Variants in RAPGEF6 observed in about 807,000 individuals in gnomAD.
RAPGEF6 encodes the protein PDZ domain containing guanine nucleotide exchange factor (GEF) 2.
RAPGEF6 carries 56 observed loss-of-function variants against 171.4 expected under a neutral mutation model. That is an observed-to-expected ratio of 0.33 (90% CI 0.26 to 0.41). The LOEUF is 0.41. Ranked by LOEUF, RAPGEF6 falls within the 10% of genes least tolerant of loss-of-function variation. The pLI, the probability that RAPGEF6 is intolerant of heterozygous loss-of-function variation, is 1.00. For missense variants in RAPGEF6, 1,674 were observed against 1,921.4 expected (o/e 0.87, Z 2.41); for synonymous variants, 692 against 650.1 (o/e 1.06, Z -0.98).
intron 1 of RAPGEF6, among the ~76,000 whole-genome samples, chr5:131,631,552 A>T (rs965408586): frequency 1.3e-5 from 2 of 152,302 alleles, no homozygotes; most frequent in Admixed American, 1.3e-4. Flanking sequence ...AGTCAGAGTG[A>T]CCATCATCTC....
intron 1 of RAPGEF6, among the ~76,000 whole-genome samples, chr5:131,615,203 T>C (rs1210038199): frequency 6.6e-6 from 1 of 152,244 alleles, no homozygotes; most frequent in Non-Finnish European, 1.5e-5. Flanking sequence ...TAGTAAATCC[T>C]AGTCCCTTTC....
chr5:131,564,990 G>A (rs190824966), intron 4 of RAPGEF6, among the ~76,000 whole-genome samples: 8 of 152,034 alleles, frequency 5.3e-5, no homozygotes, highest in Admixed American at 1.3e-4. Context: ...TTATCAGTAC[G>A]TAGACTGAAA....
At chr5:131,567,005 A>G (rs1761987921) in intron 4 of RAPGEF6, among the ~76,000 whole-genome samples, 1 of 151,610 alleles carries the variant, frequency 6.6e-6, no homozygotes, top group African/African-American at 2.4e-5. Context: ...GAGGCAGGAG[A>G]ATCACTTGAA....
chr5:131,589,852 C>T (rs939481121), intron 4 of RAPGEF6, among the ~76,000 whole-genome samples: 1 of 152,194 alleles, frequency 6.6e-6, no homozygotes, highest in African/African-American at 2.4e-5. Context: ...TCAGCAGTTC[C>T]CTTCCCCTTC....
chr5:131,575,453 C>T (rs543926904), intron 4 of RAPGEF6, among the ~76,000 whole-genome samples: 2 of 152,296 alleles, frequency 1.3e-5, no homozygotes, highest in East Asian at 3.9e-4. Context: ...CATCCGTTAC[C>T]GATCTTGGCA....
At chr5:131,580,474 G>A (rs926016784) in intron 4 of RAPGEF6, among the ~76,000 whole-genome samples, 1 of 152,110 alleles carries the variant, frequency 6.6e-6, no homozygotes, top group African/African-American at 2.4e-5. Flanking sequence ...GCCCTGAGAG[G>A]GGCTCCCACA....
chr5:131,516,680 T>C (rs912942324), intron 7 of RAPGEF6, among the ~76,000 whole-genome samples: 9 of 152,182 alleles, frequency 5.9e-5, no homozygotes, highest in African/African-American at 2.2e-4. Flanking sequence ...CTGAAATAAA[T>C]AGAAAAAGGA....
Position 131,566,836 on chromosome 5 carries a change from C to T in RAPGEF6, c.282-4789G>A, listed in dbSNP as rs1276314250. On this transcript the variant is annotated intron_variant, in intron 4 of 27. Transcript: ENST00000509018. ...ATAAATTTCCTTTGTAGGCCGGGCGCGGTGGCTGACACCTATAATCCCAGC... is the reference window on the plus strand; with the variant it reads ...ATAAATTTCCTTTGTAGGCCGGGCGTGGTGGCTGACACCTATAATCCCAGC... Among the ~76,000 whole-genome samples the T allele has an allele frequency of 4.0e-5, 6 of 151,604 alleles. No homozygotes were observed. The East Asian group carries it at 9.7e-4, about 25-fold the overall frequency.
At chr5:131,431,596 T>C (rs910897586) in intron 25 of RAPGEF6, among the ~76,000 whole-genome samples, 6 of 152,154 alleles carry the variant, frequency 3.9e-5, no homozygotes, top group African/African-American at 1.4e-4. Flanking sequence ...ATTTTTCTTT[T>C]TAAATTTTAA....
At chr5:131,488,942 C>A (rs1334614760) in intron 15 of RAPGEF6, among the ~76,000 whole-genome samples, 2 of 152,108 alleles carry the variant, frequency 1.3e-5, no homozygotes, top group African/African-American at 2.4e-5. Context: ...TTTAAAAAAA[C>A]ACACAGTAGA....
At chr5:131,573,755 C>G (rs1391205345) in intron 4 of RAPGEF6, among the ~76,000 whole-genome samples, 1 of 152,082 alleles carries the variant, frequency 6.6e-6, no homozygotes, top group Non-Finnish European at 1.5e-5. Flanking sequence ...GGAAACTACC[C>G]ACGGTAAAGA....
chr5:131,538,123 T>G (rs1393730971), intron 6 of RAPGEF6, among the ~76,000 whole-genome samples: 2 of 151,854 alleles, frequency 1.3e-5, no homozygotes, highest in Admixed American at 6.6e-5. Context: ...AAAAAACCAC[T>G]ACAACAATAA....
intron 13 of RAPGEF6, among the ~76,000 whole-genome samples, 177 bp downstream of exon 13, chr5:131,495,373 ATGT>A (rs1055180485): frequency 6.6e-6 from 1 of 151,920 alleles, no homozygotes; most frequent in Non-Finnish European, 1.5e-5. Context: ...AGGAGTGTAA[ATGT>A]TGTTTTAATT....
At chr5:131,445,491 C>CTGTGTGTGTGTGTGTGTGTGTG (rs1447178128) in intron 22 of RAPGEF6, among the ~76,000 whole-genome samples, 2 of 80,830 alleles carry the variant, frequency 2.5e-5, no homozygotes, top group Admixed American at 1.1e-4. Flanking sequence ...TTAACTCACT[C>CTGTGTGTGTGTGTGTGTGTGTG]TCTGTGTGTG....
chr5:131,491,839 T>C (rs1756303068), intron 14 of RAPGEF6, among the ~76,000 whole-genome samples: 1 of 152,164 alleles, frequency 6.6e-6, no homozygotes, highest in African/African-American at 2.4e-5. Flanking sequence ...TCCATAAAAC[T>C]GGTCCCTGGT....
intron 6 of RAPGEF6, among the ~76,000 whole-genome samples, chr5:131,527,131 C>G (rs994805020): frequency 6.6e-6 from 1 of 152,008 alleles, no homozygotes; most frequent in African/African-American, 2.4e-5. Flanking sequence ...AATAGGGGGC[C>G]CTCAGATCAC....
rs779220064 is a variant in RAPGEF6, at chr5:131,436,167, CCTAAGTCTT to C, written c.3746-2518_3746-2510del. 2.3e-4 allele frequency: 352 copies of C among 1,537,704 alleles called. 1 individual carries two copies. Among genetic ancestry groups the C allele is most frequent in the Non-Finnish European group, 2.9e-4 (335 of 1,147,018 alleles). On this transcript the variant is annotated intron_variant, in intron 24 of 27. Coordinates refer to ENST00000509018, the MANE Select transcript of RAPGEF6 (RefSeq NM_016340.6). ...GTCTCTCCCTTGAAAGCATTCTTTC[CCTAAGTCTT>C]CTAAACGGGGATGTCATTCTTTTTC...
Position 131,453,196 on chromosome 5 carries a change from T to C in RAPGEF6, c.3077-19A>G, listed in dbSNP as rs1181430488. 10 of 1,579,110 alleles carry C rather than the reference T, an allele frequency of 6.3e-6. No homozygotes were observed. The Admixed American group carries it at 1.4e-4, about 22-fold the overall frequency. On this transcript the variant is annotated intron_variant, in intron 20 of 27. Coordinates refer to ENST00000509018, the MANE Select transcript of RAPGEF6 (RefSeq NM_016340.6). ...TCATTTCCTATAGAATGAAAATAAA[T>C]GTTTAAGTTCAAAATTAAATTATCT...
intron 3 of RAPGEF6, among the ~76,000 whole-genome samples, chr5:131,593,622 C>A (rs1487821838): frequency 2.6e-5 from 4 of 152,174 alleles, no homozygotes; most frequent in Admixed American, 2.6e-4. Flanking sequence ...GAAGTCCAGG[C>A]TGAGGTGATC....
Sources: gnomAD v4.1 joint callset for allele counts (sites outside exome capture counted in the v4.1 genomes callset) on GRCh38, gnomAD v4.1.1 for gene constraint, MANE v1.5 for transcripts, NCBI Gene and HGNC (gene_info 2026-07-23, HGNC 2026-07-21) for gene names.